Variants in CCDC85A observed in about 807,000 individuals in gnomAD.
The protein encoded by CCDC85A is coiled-coil domain containing 85A.
Under a neutral mutation model 50.2 loss-of-function variants are expected in CCDC85A, and 38 were observed. The observed-to-expected ratio is 0.76, with a 90% CI of 0.58 to 0.99. The LOEUF is 0.99. CCDC85A is among the 50% of genes least tolerant of loss of function. CCDC85A has a pLI of 0.00. For missense variants in CCDC85A, 820 were observed against 742.0 expected, an observed-to-expected ratio of 1.11 and a Z score of -1.22; for synonymous variants, 366 against 301.4, an observed-to-expected ratio of 1.21 and a Z score of -2.22.
intron 3 of CCDC85A, among the ~76,000 whole-genome samples, chr2:56,368,075 G>A (rs76019122): frequency 2.5e-4 from 38 of 151,964 alleles, no homozygotes; most frequent in Non-Finnish European, 4.6e-4. Context: ...ACAAAAATTC[G>A]TTGGAATAGG....
At chr2:56,367,563 G>A (rs953231024) in intron 3 of CCDC85A, among the ~76,000 whole-genome samples, 1 of 151,992 alleles carries the variant, frequency 6.6e-6, no homozygotes, top group South Asian at 2.1e-4. Context: ...CTTTGTGAGG[G>A]GTCTGTCCAG....
At chr2:56,300,803 T>G (rs1672167318) in intron 2 of CCDC85A, among the ~76,000 whole-genome samples, 1 of 152,194 alleles carries the variant, frequency 6.6e-6, no homozygotes, top group Admixed American at 6.6e-5. Context: ...TTTTATAATC[T>G]CCCATGTGGG....
At chr2:56,334,634 T>C (rs1673984899) in intron 2 of CCDC85A, among the ~76,000 whole-genome samples, 1 of 152,212 alleles carries the variant, frequency 6.6e-6, no homozygotes, top group African/African-American at 2.4e-5. Context: ...TTGCAATATC[T>C]CATTGAGCTT....
At chr2:56,249,279 C>T (rs921710461) in intron 2 of CCDC85A, among the ~76,000 whole-genome samples, 5 of 152,212 alleles carry the variant, frequency 3.3e-5, no homozygotes, top group African/African-American at 1.2e-4. Flanking sequence ...CAATGCCAGA[C>T]CACAGACTGC....
intron 2 of CCDC85A, among the ~76,000 whole-genome samples, chr2:56,245,999 G>A (rs763835664): frequency 1.3e-5 from 2 of 152,116 alleles, no homozygotes; most frequent in African/African-American, 4.8e-5. Context: ...TATTTGGCTC[G>A]CTGCAACCTC....
chr2:56,249,589 C>G (rs115482679), intron 2 of CCDC85A, among the ~76,000 whole-genome samples: 1 of 152,236 alleles, frequency 6.6e-6, no homozygotes, highest in African/African-American at 2.4e-5. Flanking sequence ...GCTGCCTTTG[C>G]GTATGCAGCA....
chr2:56,283,015 G>A (rs183838403), intron 2 of CCDC85A, among the ~76,000 whole-genome samples: 5 of 152,000 alleles, frequency 3.3e-5, no homozygotes, highest in South Asian at 2.1e-4. Context: ...TGTATCCTAC[G>A]ACAATATTAA....
chr2:56,362,185 T>C (rs571375782), intron 3 of CCDC85A, among the ~76,000 whole-genome samples: 3 of 152,118 alleles, frequency 2.0e-5, no homozygotes, highest in African/African-American at 4.8e-5. Context: ...CTGGGAAGAA[T>C]TGAGGATGAC....
chr2:56,296,664 A>C (rs576188186), intron 2 of CCDC85A, among the ~76,000 whole-genome samples: 2 of 152,180 alleles, frequency 1.3e-5, no homozygotes, highest in Non-Finnish European at 2.9e-5. Flanking sequence ...AGGACAGAAC[A>C]CCTGGGTTGT....
intron 2 of CCDC85A, among the ~76,000 whole-genome samples, chr2:56,284,589 T>G (rs928816487): frequency 2.0e-5 from 3 of 152,070 alleles, no homozygotes; most frequent in African/African-American, 7.2e-5. Context: ...GCCAGGCTGG[T>G]CTTGAACTCC....
intron 5 of CCDC85A, 80 bp from the exon 6 acceptor site, chr2:56,384,186 C>A: frequency 7.8e-7 from 1 of 1,283,484 alleles, no homozygotes; most frequent in Non-Finnish European, 1.1e-6. Context: ...TCGCTCCTCT[C>A]TTAATTTACC....
intron 2 of CCDC85A, among the ~76,000 whole-genome samples, chr2:56,307,141 G>A (rs976886539): frequency 6.6e-6 from 1 of 152,028 alleles, no homozygotes; most frequent in African/African-American, 2.4e-5. Flanking sequence ...ATAGAAACAA[G>A]CCTTTATATA....
chr2:56,341,761 A>G (rs1238697959), intron 2 of CCDC85A, among the ~76,000 whole-genome samples: 5 of 152,188 alleles, frequency 3.3e-5, no homozygotes, highest in Non-Finnish European at 1.5e-5. Flanking sequence ...AAAATAGTCA[A>G]TTTCAGGTCT....
intron 3 of CCDC85A, among the ~76,000 whole-genome samples, chr2:56,365,968 C>CT (rs112551673): frequency 2.0e-5 from 3 of 151,568 alleles, no homozygotes; most frequent in Admixed American, 6.6e-5. Context: ...TAGAAATAAA[C>CT]TTTTTTTTTA....
chr2:56,297,644 G>C (rs1004904669), intron 2 of CCDC85A, among the ~76,000 whole-genome samples: 1 of 152,120 alleles, frequency 6.6e-6, no homozygotes, highest in South Asian at 2.1e-4. Context: ...CTGTTGCAGG[G>C]GAAAGCCTTT....
chr2:56,250,907 C>T (rs770829209), intron 2 of CCDC85A, among the ~76,000 whole-genome samples: 1 of 152,140 alleles, frequency 6.6e-6, no homozygotes, highest in East Asian at 1.9e-4. Flanking sequence ...GTCATATTCC[C>T]AGTACCCCTC....
intron 4 of CCDC85A, among the ~76,000 whole-genome samples, chr2:56,375,027 C>T (rs1234041190): frequency 6.6e-5 from 10 of 152,156 alleles, no homozygotes; most frequent in Admixed American, 6.5e-4. Context: ...TGGAAAATTC[C>T]CATGTGACTG....
intron 2 of CCDC85A, among the ~76,000 whole-genome samples, chr2:56,304,484 GAGACTA>G (rs1261651081): frequency 3.3e-5 from 5 of 152,186 alleles, no homozygotes; most frequent in Non-Finnish European, 1.5e-5. Flanking sequence ...ACTTAATTAT[GAGACTA>G]AGTGACTTTA....
intron 2 of CCDC85A, among the ~76,000 whole-genome samples, chr2:56,316,409 A>G (rs1220205064): frequency 1.3e-5 from 2 of 152,094 alleles, no homozygotes; most frequent in African/African-American, 4.8e-5. Context: ...GACCCACACA[A>G]AGGAACTTTG....
Sources: allele counts gnomAD v4.1 joint callset (sites outside exome capture counted in the v4.1 genomes callset), GRCh38; gene constraint gnomAD v4.1.1; transcripts MANE v1.5; gene names NCBI Gene and HGNC (gene_info 2026-07-23, HGNC 2026-07-21).